Variants in TOP2B observed in about 807,000 individuals in gnomAD.
The protein encoded by TOP2B is DNA topoisomerase II beta, also known as DNA topoisomerase 2-beta.
In TOP2B, 51 loss-of-function variants were observed where a neutral mutation model predicts 193.5. The ratio of observed to expected loss-of-function variants is 0.26; its 90% CI spans 0.21 to 0.33. The LOEUF is 0.33. Among genes scored for constraint, TOP2B ranks in the 10% least tolerant of loss-of-function variants. The pLI, the probability that TOP2B is intolerant of heterozygous loss-of-function variation, is 1.00. For missense variants in TOP2B, 1,378 were observed against 1,909.3 expected, an observed-to-expected ratio of 0.72 and a Z score of 5.19; for synonymous variants, 634 against 635.7, an observed-to-expected ratio of 1.00 and a Z score of 0.04.
chr3:25,632,892 A>G, intron 8 of TOP2B, 98 bp from the exon 9 acceptor site: 1 of 1,017,560 alleles, frequency 9.8e-7, no homozygotes, highest in Non-Finnish European at 1.5e-6. Flanking sequence ...AAAGAGTAAT[A>G]GAGTCTCAGA....
chr3:25,598,514 G>T, intron 35 of TOP2B, 37 bp from the exon 36 acceptor site: 1 of 1,495,794 alleles, frequency 6.7e-7, no homozygotes, highest in Non-Finnish European at 9.0e-7. Context: ...AGTTATGAAA[G>T]GAAGTAAAGA....
In TOP2B at chr3:25,609,425, A is replaced by G. The variant is rs909730984; in HGVS notation, c.3932-81T>C. On this transcript the variant is annotated intron_variant, in intron 29 of 35. Coordinates refer to ENST00000264331, the MANE Select transcript of TOP2B (RefSeq NM_001330700.2). ...GTAAAAATAAAATTGTTATAATGAAAAGTTCATTACAAAATAAACGTTTAT... is the reference window on the plus strand; with the variant it reads ...GTAAAAATAAAATTGTTATAATGAAGAGTTCATTACAAAATAAACGTTTAT... The G allele has an allele frequency of 3.4e-6, 5 of 1,455,806 alleles. No homozygotes were observed. In the African/African-American group the frequency reaches 7.2e-5, roughly 21 times the overall value. The allele number at this position is 1,455,806 out of a possible 1,614,324, so 90.2% of individuals were successfully genotyped here. A position where few individuals can be genotyped will look rare whatever the true frequency, so the allele number is the denominator to read the frequency against.
chr3:25,660,556 A>G (rs1454470435), intron 1 of TOP2B, among the ~76,000 whole-genome samples: 1 of 152,220 alleles, frequency 6.6e-6, no homozygotes. Flanking sequence ...GTAATTCCAG[A>G]TGGAAGGCAA....
chr3:25,629,156 GT>G lies in TOP2B; in HGVS notation c.1690-12del. 1 of 1,500,344 alleles carries G rather than the reference GT, an allele frequency of 6.7e-7. No homozygotes were observed. The highest frequency in any genetic ancestry group is 9.0e-7 in the Non-Finnish European group (1 of 1,111,738). 92.9% of individuals were successfully genotyped at this position (1,500,344 alleles called of 1,614,324 possible). ...AGAACCATCTTGATCCTAAATAAAT[GT>G]TAGTAAAGTAAAAAATGTTGTAATA... On this transcript the variant is annotated splice_polypyrimidine_tract_variant and intron_variant, in intron 13 of 35. Transcript: ENST00000264331.
At chr3:25,634,985 G>T (rs937538655) in intron 7 of TOP2B, among the ~76,000 whole-genome samples, 6 of 151,958 alleles carry the variant, frequency 3.9e-5, no homozygotes, top group Non-Finnish European at 7.4e-5. Context: ...TCCAAAGACT[G>T]GGATGTAATG....
At chr3:25,629,799 C>T (rs1702907739) in intron 13 of TOP2B, among the ~76,000 whole-genome samples, 1 of 152,108 alleles carries the variant, frequency 6.6e-6, no homozygotes, top group Admixed American at 6.5e-5. Context: ...AGGTAGGCTG[C>T]TATAGTACCA....
intron 1 of TOP2B, among the ~76,000 whole-genome samples, chr3:25,658,168 G>T (rs1228594026): frequency 6.6e-6 from 1 of 151,742 alleles, no homozygotes; most frequent in East Asian, 1.9e-4. Context: ...GGCAGAGCTT[G>T]CAGTGAGTCG....
At position 25,607,242 on chromosome 3, in the gene TOP2B, T is replaced by C. The variant is rs780673104; in HGVS notation, c.4227A>G (p.Glu1409=). 10 of 1,603,994 alleles carry C rather than the reference T, an allele frequency of 6.2e-6. No individual in the cohort carries two copies. Among genetic ancestry groups the C allele is most frequent in the Non-Finnish European group, 8.5e-6 (10 of 1,174,418 alleles). Residue 1409 remains glutamate (E), a synonymous_variant, in exon 31 of 36, where the codon GAA becomes GAG. Transcript: ENST00000264331. ...TATCTAACCCATCTGAAGGAACAAA[T>C]TCATCTTCCCCATCATTTGTTATGG... ...ASPITNDGED[E]FVPSDGLDKD...
At chr3:25,619,777 G>T in intron 23 of TOP2B, 85 bp downstream of exon 23, 16 of 856,946 alleles carry the variant, frequency 1.9e-5, no homozygotes, top group Non-Finnish European at 2.7e-5. Flanking sequence ...GCTTACTATA[G>T]CCACTCCCAT....
chr3:25,652,952 C>A (rs1013022155), intron 1 of TOP2B, among the ~76,000 whole-genome samples: 1 of 151,588 alleles, frequency 6.6e-6, no homozygotes, highest in Admixed American at 6.6e-5. Flanking sequence ...AAATTAGAAA[C>A]GAAAGGGGAC....
intron 21 of TOP2B, among the ~76,000 whole-genome samples, chr3:25,621,965 G>T (rs560530068): frequency 3.0e-4 from 46 of 151,734 alleles, no homozygotes; most frequent in African/African-American, 1.0e-3. Flanking sequence ...CTCCAGCCTG[G>T]GTGACAGAGT....
intron 28 of TOP2B, 73 bp from the exon 29 acceptor site, chr3:25,609,785 AACAGATAGCGCC>A (rs1307936487): frequency 2.2e-6 from 3 of 1,371,024 alleles, no homozygotes; most frequent in Non-Finnish European, 1.9e-6. Context: ...AGTTTCAATC[AACAGATAGCGCC>A]TTCAAATCAG....
intron 15 of TOP2B, 85 bp from the exon 16 acceptor site, chr3:25,627,381 AATAG>A (rs1702831747): frequency 1.2e-6 from 1 of 810,102 alleles, no homozygotes; most frequent in African/African-American, 1.7e-5. Flanking sequence ...GAAAAGTTGT[AATAG>A]ATGGATCAAG....
chr3:25,652,783 G>A (rs1295127163), intron 1 of TOP2B, among the ~76,000 whole-genome samples: 2 of 150,722 alleles, frequency 1.3e-5, no homozygotes, highest in Non-Finnish European at 3.0e-5. Flanking sequence ...TTAATGAAGG[G>A]AAATAAAGAT....
intron 7 of TOP2B, among the ~76,000 whole-genome samples, chr3:25,635,714 T>C (rs975991781): frequency 1.3e-5 from 2 of 151,870 alleles, no homozygotes; most frequent in Admixed American, 1.3e-4. Flanking sequence ...GCAGACAGTA[T>C]CAAATAATGT....
At chr3:25,632,321 A>T in intron 10 of TOP2B, 125 bp downstream of exon 10, 1 of 749,444 alleles carries the variant, frequency 1.3e-6, no homozygotes, top group Non-Finnish European at 2.1e-6. Context: ...ATTAGTTTGT[A>T]GTGCAAGCAT....
chr3:25,617,644 T>C (rs1021880681), intron 25 of TOP2B, among the ~76,000 whole-genome samples: 10 of 152,200 alleles, frequency 6.6e-5, no homozygotes, highest in African/African-American at 2.2e-4. Flanking sequence ...GAATCATATA[T>C]GCACAAAATA....
At position 25,607,051 on chromosome 3, in the gene TOP2B, T is replaced by G. The variant is rs974938749; in HGVS notation, c.4298+120A>C. On this transcript the variant is annotated intron_variant, in intron 31 of 35. Transcript: ENST00000264331. ...CAGCTGCAATATTAACAAGATTGAT[T>G]CCTTCATGAAGAAGAACTTGCCTAG... 11 of 1,366,716 alleles carry G rather than the reference T, an allele frequency of 8.0e-6. No homozygotes were observed. The Middle Eastern group carries it at 1.9e-3, about 230-fold the overall frequency. 84.7% of individuals were successfully genotyped at this position (1,366,716 alleles called of 1,614,324 possible).
chr3:25,660,828 A>T (rs1703888865), intron 1 of TOP2B, among the ~76,000 whole-genome samples: 1 of 152,200 alleles, frequency 6.6e-6, no homozygotes. Context: ...TATTTCAAAA[A>T]ATGTGACTTT....
Sources: gnomAD v4.1 joint callset for allele counts (sites outside exome capture counted in the v4.1 genomes callset) on GRCh38, gnomAD v4.1.1 for gene constraint, MANE v1.5 for transcripts, NCBI Gene and HGNC (gene_info 2026-07-23, HGNC 2026-07-21) for gene names.